The following MEMO1 variants were observed in gnomAD, a reference collection of about 807,000 sequenced individuals.
The protein encoded by MEMO1 is protein MEMO1.
Under a neutral mutation model 45.2 loss-of-function variants are expected in MEMO1, and 6 were observed. The observed-to-expected ratio is 0.13, with a 90% confidence interval of 0.07 to 0.26. The LOEUF is 0.26. Among genes scored for constraint, MEMO1 ranks in the 10% least tolerant of loss-of-function variants. MEMO1 has a pLI of 1.00. For missense variants in MEMO1, 184 were observed against 370.5 expected, an observed-to-expected ratio of 0.50 and a Z score of 4.13; for synonymous variants, 78 against 124.3, an observed-to-expected ratio of 0.63 and a Z score of 2.48.
intron 3 of MEMO1, among the ~76,000 whole-genome samples, chr2:31,938,498 A>T (rs1665198992): frequency 1.3e-5 from 2 of 151,864 alleles, no homozygotes; most frequent in Admixed American, 6.5e-5. Context: ...TGCAAAAAAA[A>T]TTAGCTGGGC....
intron 6 of MEMO1, among the ~76,000 whole-genome samples, chr2:31,903,662 G>A (rs1388528821): frequency 6.6e-6 from 1 of 151,978 alleles, no homozygotes; most frequent in African/African-American, 2.4e-5. Flanking sequence ...TACTCAAAGG[G>A]AATCAACATA....
intron 2 of MEMO1, among the ~76,000 whole-genome samples, chr2:31,954,076 G>C (rs774546610): frequency 7.9e-5 from 12 of 152,110 alleles, no homozygotes; most frequent in Non-Finnish European, 1.3e-4. Flanking sequence ...CATGATTGTT[G>C]AGTCTTCTTG....
intron 6 of MEMO1, among the ~76,000 whole-genome samples, chr2:31,901,020 T>A (rs1678707232): frequency 6.6e-6 from 1 of 152,146 alleles, no homozygotes. Context: ...CAATAGTTTA[T>A]CAACCGGTAA....
At chr2:31,927,090 A>T (rs1683225931) in intron 4 of MEMO1, among the ~76,000 whole-genome samples, 1 of 152,016 alleles carries the variant, frequency 6.6e-6, no homozygotes, top group African/African-American at 2.4e-5. Context: ...CCGCACTTTG[A>T]GAGGCCGAGG....
At chr2:31,969,153 G>A (rs1279649025) in intron 2 of MEMO1, among the ~76,000 whole-genome samples, 1 of 151,612 alleles carries the variant, frequency 6.6e-6, no homozygotes, top group African/African-American at 2.4e-5. Flanking sequence ...TGATAAGTAA[G>A]ACTATATTAA....
intron 2 of MEMO1, among the ~76,000 whole-genome samples, chr2:31,958,239 C>T (rs935693804): frequency 6.6e-6 from 1 of 152,020 alleles, no homozygotes; most frequent in African/African-American, 2.4e-5. Flanking sequence ...ATCCACTCTG[C>T]CAAACACTTT....
chr2:31,948,983 A>G (rs1038418725), intron 2 of MEMO1, among the ~76,000 whole-genome samples: 1 of 152,250 alleles, frequency 6.6e-6, no homozygotes, highest in Non-Finnish European at 1.5e-5. Flanking sequence ...AAGAAGATAT[A>G]CAATGGCAAA....
intron 8 of MEMO1, among the ~76,000 whole-genome samples, chr2:31,881,454 T>C (rs992765190): frequency 2.4e-5 from 3 of 126,996 alleles, no homozygotes; most frequent in African/African-American, 9.1e-5. Flanking sequence ...ATGATGGTGC[T>C]ACTACACTCC....
At chr2:31,943,440 A>C (rs1665846022) in intron 2 of MEMO1, 57 bp from the exon 3 acceptor site, 1 of 1,248,204 alleles carries the variant, frequency 8.0e-7, no homozygotes, top group African/African-American at 1.5e-5. Flanking sequence ...ACAGATAAAC[A>C]TATGTGGCAT....
In MEMO1 at chr2:31,950,391, C is replaced by CA. The variant is rs748769050; in HGVS notation, c.62-7009dup. ...GCAAGACTCCGTCAAAAAAAAAAAA[C>CA]AAAAAAAAACCTATTAATGAACAAG... On this transcript the variant is annotated intron_variant, in intron 2 of 9. Transcript: ENST00000404530. 3.3e-3 allele frequency among the ~76,000 whole-genome samples: 453 copies of CA among 139,162 alleles called. 1 individual carries two copies. The highest frequency in any genetic ancestry group is 5.0e-3 in the Non-Finnish European group (316 of 63,674). The allele number at this position is 139,162 out of a possible 152,430, so 91.3% of individuals were successfully genotyped here.
intron 7 of MEMO1, among the ~76,000 whole-genome samples, chr2:31,891,068 GGGT>G (rs1676903586): frequency 6.6e-6 from 1 of 152,104 alleles, no homozygotes. Flanking sequence ...GGCAATCAGT[GGGT>G]AAGACACATA....
intron 2 of MEMO1, among the ~76,000 whole-genome samples, chr2:31,984,999 A>T (rs1335432573): frequency 2.0e-5 from 3 of 152,260 alleles, no homozygotes; most frequent in Non-Finnish European, 4.4e-5. Flanking sequence ...GAAATTCTGT[A>T]CTATCTTTAT....
intron 2 of MEMO1, among the ~76,000 whole-genome samples, chr2:31,950,119 G>A (rs1046896488): frequency 6.6e-5 from 10 of 151,730 alleles, no homozygotes; most frequent in South Asian, 2.1e-4. Context: ...AGTGGCTCAC[G>A]CCTGTAATCC....
intron 4 of MEMO1, among the ~76,000 whole-genome samples, chr2:31,925,500 T>A (rs1397957764): frequency 9.3e-4 from 64 of 68,976 alleles, no homozygotes; most frequent in Non-Finnish European, 1.1e-3. Flanking sequence ...AAAAAAAAAA[T>A]CTGTTCCCGG....
At chr2:31,897,949 T>G (rs1486771833) in intron 6 of MEMO1, among the ~76,000 whole-genome samples, 2 of 151,930 alleles carry the variant, frequency 1.3e-5, no homozygotes, top group Non-Finnish European at 2.9e-5. Context: ...CTTGGGAGGG[T>G]GTATGTGTCC....
chr2:31,896,047 G>A (rs531288275), intron 6 of MEMO1, among the ~76,000 whole-genome samples: 2 of 151,832 alleles, frequency 1.3e-5, no homozygotes, highest in South Asian at 4.2e-4. Flanking sequence ...GTTTCACCGT[G>A]TTAGCCAGGA....
At chr2:31,886,071 T>C (rs191947327) in intron 7 of MEMO1, among the ~76,000 whole-genome samples, 3 of 152,334 alleles carry the variant, frequency 2.0e-5, no homozygotes, top group East Asian at 1.9e-4. Flanking sequence ...TTAATGAGAA[T>C]GCAAAAATGC....
chr2:31,898,138 T>C (rs748407902), intron 6 of MEMO1, among the ~76,000 whole-genome samples: 2 of 151,922 alleles, frequency 1.3e-5, no homozygotes. Flanking sequence ...GTGGTCTATC[T>C]GTTTCGTTAA....
chr2:31,950,483 C>T (rs905124127), intron 2 of MEMO1, among the ~76,000 whole-genome samples: 1 of 151,554 alleles, frequency 6.6e-6, no homozygotes, highest in Non-Finnish European at 1.5e-5. Flanking sequence ...CTTTAGGATG[C>T]CCAGGCAAGC....
Sources: gnomAD v4.1 joint callset for allele counts (sites outside exome capture counted in the v4.1 genomes callset) on GRCh38, gnomAD v4.1.1 for gene constraint, MANE v1.5 for transcripts, NCBI Gene and HGNC (gene_info 2026-07-23, HGNC 2026-07-21) for gene names.